The following RBFOX1 variants were observed in gnomAD, a reference collection of about 807,000 sequenced individuals.
RBFOX1 encodes the protein RNA binding protein fox-1 homolog 1.
Under a neutral mutation model 57.7 loss-of-function variants are expected in RBFOX1, and 8 were observed. The ratio of observed to expected loss-of-function variants is 0.14; its 90% CI spans 0.08 to 0.25. RBFOX1 has a LOEUF of 0.25. Among genes scored for constraint, RBFOX1 ranks in the 10% least tolerant of loss-of-function variants. RBFOX1 has a pLI of 1.00. For synonymous variants in RBFOX1, 326 were observed against 222.4 expected (o/e 1.47, Z -4.15); for missense variants, 611 against 548.5 (o/e 1.11, Z -1.14).
At chr16:6,776,473 A>T (rs557878382) in intron 3 of RBFOX1, among the ~76,000 whole-genome samples, 20 of 152,274 alleles carry the variant, frequency 1.3e-4, no homozygotes, top group African/African-American at 4.6e-4. Context: ...GAAGCAACAC[A>T]GTGCAATTCT....
At chr16:5,474,360 A>C (rs1050204778) in intron 2 of RBFOX1, among the ~76,000 whole-genome samples, 52 of 152,228 alleles carry the variant, frequency 3.4e-4, no homozygotes, top group African/African-American at 1.3e-3. Context: ...TGTTTAAAAA[A>C]TACCCCTGGA....
chr16:5,283,592 A>C (rs1239900305), intron 1 of RBFOX1, among the ~76,000 whole-genome samples: 1 of 152,186 alleles, frequency 6.6e-6, no homozygotes, highest in Non-Finnish European at 1.5e-5. Context: ...CATGTGAGAC[A>C]TGGACTCAAA....
chr16:5,713,508 T>G (rs775740695), intron 3 of RBFOX1, among the ~76,000 whole-genome samples: 17 of 152,192 alleles, frequency 1.1e-4, no homozygotes, highest in Non-Finnish European at 2.2e-4. Context: ...CTTTGTTGAC[T>G]CTTTGTTCCT....
intron 2 of RBFOX1, among the ~76,000 whole-genome samples, chr16:6,648,575 C>G (rs1602653132): frequency 6.6e-6 from 1 of 152,290 alleles, no homozygotes; most frequent in Non-Finnish European, 1.5e-5. Flanking sequence ...CACCCTTCAG[C>G]CTTCAGTCCA....
intron 2 of RBFOX1, among the ~76,000 whole-genome samples, chr16:6,552,442 C>T (rs544120009): frequency 6.6e-6 from 1 of 152,012 alleles, no homozygotes; most frequent in Admixed American, 6.6e-5. Context: ...ATAATAATGC[C>T]CAATTCATGT....
chr16:5,436,077 C>A (rs532372070), intron 1 of RBFOX1, among the ~76,000 whole-genome samples: 2 of 152,214 alleles, frequency 1.3e-5, no homozygotes, highest in Non-Finnish European at 2.9e-5. Context: ...CATATTTGGC[C>A]TCCCAGTGGG....
At chr16:5,805,502 G>A (rs2055196686) in intron 3 of RBFOX1, among the ~76,000 whole-genome samples, 1 of 152,202 alleles carries the variant, frequency 6.6e-6, no homozygotes, top group Non-Finnish European at 1.5e-5. Context: ...AAGCTTCTAT[G>A]TGGGTTGGTG....
intron 4 of RBFOX1, among the ~76,000 whole-genome samples, chr16:7,196,335 C>A (rs2086685638): frequency 1.3e-5 from 2 of 152,154 alleles, no homozygotes; most frequent in Admixed American, 1.3e-4. Context: ...GGAATTTCTC[C>A]TTCAACTTTT....
chr16:7,564,540 C>CAAAAAAAAAAAAAAAAAAAAAAAAAA (rs5815409), intron 5 of RBFOX1, among the ~76,000 whole-genome samples: 1 of 82,518 alleles, frequency 1.2e-5, no homozygotes, highest in African/African-American at 9.6e-5. Flanking sequence ...GACTCCATCT[C>CAAAAAAAAAAAAAAAAAAAAAAAAAA]AAAAAAAAAA....
chr16:5,517,391 A>G (rs2043831486), intron 2 of RBFOX1, among the ~76,000 whole-genome samples: 1 of 152,178 alleles, frequency 6.6e-6, no homozygotes, highest in African/African-American at 2.4e-5. Flanking sequence ...ACCCTTGTCC[A>G]GCCCTTGACT....
chr16:6,311,305 A>AAT (rs961369427), intron 1 of RBFOX1, among the ~76,000 whole-genome samples: 2 of 151,332 alleles, frequency 1.3e-5, no homozygotes, highest in Non-Finnish European at 2.9e-5. Context: ...CAAAAAAAAA[A>AAT]AAAAAAAAAA....
At chr16:7,275,522 A>G (rs1182889686) in intron 4 of RBFOX1, among the ~76,000 whole-genome samples, 1 of 152,238 alleles carries the variant, frequency 6.6e-6, no homozygotes, top group Non-Finnish European at 1.5e-5. Context: ...ATAACTATAT[A>G]GAATTTGGTA....
intron 3 of RBFOX1, among the ~76,000 whole-genome samples, chr16:6,867,200 G>A (rs2060090723): frequency 6.6e-6 from 1 of 152,062 alleles, no homozygotes; most frequent in Non-Finnish European, 1.5e-5. Context: ...AGAAAAGCAT[G>A]AAGCTATATA....
At chr16:6,444,572 T>C (rs1441446615) in intron 2 of RBFOX1, among the ~76,000 whole-genome samples, 1 of 152,182 alleles carries the variant, frequency 6.6e-6, no homozygotes, top group Non-Finnish European at 1.5e-5. Context: ...CTTATTCCTC[T>C]TTGCCTTCTG....
chr16:7,049,061 C>A (rs1313666344), intron 3 of RBFOX1, among the ~76,000 whole-genome samples: 1 of 152,134 alleles, frequency 6.6e-6, no homozygotes, highest in Non-Finnish European at 1.5e-5. Context: ...CAGACATGAG[C>A]ACAGAGGTCA....
chr16:5,484,172 A>G (rs2069645615), intron 2 of RBFOX1, among the ~76,000 whole-genome samples: 1 of 152,230 alleles, frequency 6.6e-6, no homozygotes, highest in Non-Finnish European at 1.5e-5. Flanking sequence ...TCCTATCTCA[A>G]AAATAAAAAC....
At chr16:5,729,219 T>G (rs1057172898) in intron 3 of RBFOX1, among the ~76,000 whole-genome samples, 1 of 152,192 alleles carries the variant, frequency 6.6e-6, no homozygotes, top group African/African-American at 2.4e-5. Context: ...GTTTGTAGTC[T>G]GTCAGATAGG....
intron 4 of RBFOX1, among the ~76,000 whole-genome samples, chr16:5,890,065 C>T (rs776058697): frequency 6.6e-6 from 1 of 152,166 alleles, no homozygotes; most frequent in African/African-American, 2.4e-5. Flanking sequence ...TGTGTTCCAG[C>T]TTCACCACGA....
chr16:5,553,319 T>A (rs1347576202), intron 2 of RBFOX1, among the ~76,000 whole-genome samples: 1 of 54,648 alleles, frequency 1.8e-5, no homozygotes, highest in African/African-American at 6.2e-5. Context: ...TGTCTGAATA[T>A]TTTTTTTTTT....
Sources: allele counts gnomAD v4.1 joint callset (sites outside exome capture counted in the v4.1 genomes callset), GRCh38; gene constraint gnomAD v4.1.1; transcripts MANE v1.5; gene names NCBI Gene and HGNC (gene_info 2026-07-23, HGNC 2026-07-21).